Variants in ZC3H3 observed in about 807,000 individuals in gnomAD.
The protein encoded by ZC3H3 is zinc finger CCCH domain-containing protein 3.
ZC3H3 carries 36 observed loss-of-function variants against 77.3 expected under a neutral mutation model. The ratio of observed to expected loss-of-function variants is 0.47; its 90% confidence interval spans 0.36 to 0.61. ZC3H3 has a LOEUF of 0.61. Ranked by LOEUF, ZC3H3 falls within the 20% of genes least tolerant of loss-of-function variation. The pLI, the probability that ZC3H3 is intolerant of heterozygous loss-of-function variation, is 0.00. For synonymous variants in ZC3H3, 626 were observed against 555.2 expected, an observed-to-expected ratio of 1.13 and a Z score of -1.79; for missense variants, 1,331 against 1,312.2, an observed-to-expected ratio of 1.01 and a Z score of -0.22.
intron 7 of ZC3H3, 22 bp from the exon 8 acceptor site, chr8:143,468,300 G>T (rs1820467313): frequency 6.2e-7 from 1 of 1,612,712 alleles, no homozygotes; most frequent in Non-Finnish European, 8.5e-7. Context: ...GGAGAAACGG[G>T]TATGAGGAAG....
At chr8:143,465,184 G>A (rs914203044) in intron 9 of ZC3H3, among the ~76,000 whole-genome samples, 1 of 152,080 alleles carries the variant, frequency 6.6e-6, no homozygotes, top group African/African-American at 2.4e-5. Context: ...GTGGTGCCCC[G>A]CAATGAGCTC....
intron 3 of ZC3H3, among the ~76,000 whole-genome samples, chr8:143,527,175 G>A (rs1344159124): frequency 6.6e-6 from 1 of 152,192 alleles, no homozygotes; most frequent in African/African-American, 2.4e-5. Flanking sequence ...ACTGCCTGGT[G>A]GACTCCTGAG....
At chr8:143,484,569 A>G (rs1342516284) in intron 4 of ZC3H3, 1 of 153,898 alleles carries the variant, frequency 6.5e-6, no homozygotes, top group Non-Finnish European at 1.4e-5. Flanking sequence ...CAGCTGCAAA[A>G]AAACAAGTAT....
rs566401343 is a variant in ZC3H3 at position 143,535,482 on chromosome 8, C to T, written c.1561+775G>A. 3.3e-5 allele frequency among the ~76,000 whole-genome samples: 5 copies of T among 152,350 alleles called. No individual in the cohort carries two copies. In the South Asian group the frequency reaches 1.0e-3, roughly 32 times the overall value. On this transcript the variant is annotated intron_variant, in intron 3 of 11. Coordinates refer to ENST00000262577, the MANE Select transcript of ZC3H3 (RefSeq NM_015117.3). ...AACGCGCCCAGCAGAGCCCCAGAGT[C>T]GCACAGGACCAGGTGCACACAGACG...
chr8:143,452,522 G>A (rs971606897), intron 9 of ZC3H3, among the ~76,000 whole-genome samples: 3 of 152,202 alleles, frequency 2.0e-5, no homozygotes, highest in Non-Finnish European at 2.9e-5. Context: ...AACGCTGACA[G>A]ACAGGGCGTC....
intron 9 of ZC3H3, among the ~76,000 whole-genome samples, chr8:143,458,611 C>T (rs1298367220): frequency 8.0e-6 from 1 of 124,902 alleles, no homozygotes. Context: ...CAGCTGGGCG[C>T]AGTGGCTCAC....
At chr8:143,454,735 A>G (rs1260238688) in intron 9 of ZC3H3, among the ~76,000 whole-genome samples, 1 of 152,126 alleles carries the variant, frequency 6.6e-6, no homozygotes, top group Non-Finnish European at 1.5e-5. Context: ...GCTTAAGTGC[A>G]TGCTATTCTG....
intron 4 of ZC3H3, among the ~76,000 whole-genome samples, chr8:143,504,203 C>A (rs989336880): frequency 1.3e-5 from 2 of 152,302 alleles, no homozygotes; most frequent in Non-Finnish European, 2.9e-5. Flanking sequence ...GCTCTCCAAC[C>A]GAAAGCTGAG....
In ZC3H3 at chr8:143,478,567, T is replaced by C. The variant is rs1369736488; in HGVS notation, c.1716-2982A>G. 2.6e-5 allele frequency among the ~76,000 whole-genome samples: 4 copies of C among 152,246 alleles called. No homozygotes were observed. The South Asian group carries it at 8.3e-4, about 31-fold the overall frequency. On this transcript the variant is annotated intron_variant, in intron 4 of 11. Coordinates refer to ENST00000262577, the MANE Select transcript of ZC3H3 (RefSeq NM_015117.3). ...TCTTGTGACCCAGGCTAGAGTGCAA[T>C]GGTGCGATCTCGGCTCACTGCAACC...
Position 143,455,978 on chromosome 8 carries a change from CAAAAAAA to C in ZC3H3, c.2307+9732_2307+9738del, listed in dbSNP as rs58754874. On this transcript the variant is annotated intron_variant, in intron 9 of 11. Coordinates refer to ENST00000262577, the MANE Select transcript of ZC3H3 (RefSeq NM_015117.3). ...TGGGCGACAGAGTGAGACTCTGTCT[CAAAAAAA>C]AAAAAAAAAAAAAAAAAGACTTAAA... is the stretch of plus-strand genomic sequence containing the variant. Among the ~76,000 whole-genome samples, 11 of 40,908 alleles carry C rather than the reference CAAAAAAA, an allele frequency of 2.7e-4. No individual in the cohort carries two copies. The South Asian group carries it at 4.0e-3, about 15-fold the overall frequency. 26.8% of individuals were successfully genotyped at this position (40,908 alleles called of 152,430 possible). A position where few individuals can be genotyped will look rare whatever the true frequency, so the allele number is the denominator to read the frequency against.
intron 9 of ZC3H3, among the ~76,000 whole-genome samples, chr8:143,442,971 G>A (rs181948919): frequency 2.0e-4 from 30 of 152,210 alleles, no homozygotes; most frequent in Admixed American, 1.8e-3. Context: ...AAATCCCGAG[G>A]ATCAAAGAGA....
intron 4 of ZC3H3, among the ~76,000 whole-genome samples, chr8:143,482,664 C>A (rs552068325): frequency 4.6e-5 from 7 of 152,096 alleles, no homozygotes; most frequent in African/African-American, 1.7e-4. Context: ...AAGGGAGCAG[C>A]GGGGCTCAAG....
intron 11 of ZC3H3, among the ~76,000 whole-genome samples, chr8:143,439,159 C>A (rs1819658891): frequency 6.6e-6 from 1 of 151,728 alleles, no homozygotes; most frequent in African/African-American, 2.4e-5. Flanking sequence ...TGCTCCCCGA[C>A]CCCAGAGAGG....
chr8:143,519,318 C>G (rs910707100), intron 3 of ZC3H3, among the ~76,000 whole-genome samples: 1 of 152,130 alleles, frequency 6.6e-6, no homozygotes, highest in Non-Finnish European at 1.5e-5. Flanking sequence ...TCGGGGCCAA[C>G]ACAGGGAAGG....
chr8:143,514,555 C>G (rs1670657232), intron 3 of ZC3H3, among the ~76,000 whole-genome samples: 1 of 152,240 alleles, frequency 6.6e-6, no homozygotes, highest in Non-Finnish European at 1.5e-5. Flanking sequence ...AGCACACGTG[C>G]ATGGTCATTC....
At position 143,497,081 on chromosome 8, in the gene ZC3H3, T is replaced by C. The variant is rs553555141; in HGVS notation, c.1715+10665A>G. 2.0e-5 allele frequency among the ~76,000 whole-genome samples: 3 copies of C among 152,334 alleles called. No individual in the cohort carries two copies. The East Asian group carries it at 5.8e-4, about 29-fold the overall frequency. Reference sequence around the variant, plus strand: ...ATACTGCAAATGCGATAAAATATCATATAAACAACTGGTGAGTTTCAGTAA... The same window carrying C: ...ATACTGCAAATGCGATAAAATATCACATAAACAACTGGTGAGTTTCAGTAA... On this transcript the variant is annotated intron_variant, in intron 4 of 11. Coordinates refer to ENST00000262577, the MANE Select transcript of ZC3H3 (RefSeq NM_015117.3).
intron 1 of ZC3H3, among the ~76,000 whole-genome samples, chr8:143,540,015 TCCCCCACCACAGG>T (rs1303765214): frequency 6.6e-6 from 1 of 151,860 alleles, no homozygotes; most frequent in Non-Finnish European, 1.5e-5. Flanking sequence ...TTATCAGCAT[TCCCCCACCACAGG>T]CCCTGCCCCC....
At chr8:143,501,168 CA>C (rs1208748879) in intron 4 of ZC3H3, among the ~76,000 whole-genome samples, 4 of 151,862 alleles carry the variant, frequency 2.6e-5, no homozygotes, top group African/African-American at 9.7e-5. Flanking sequence ...AACACCAGGG[CA>C]CCCAGAGTTG....
At chr8:143,519,855 C>T (rs1822184703) in intron 3 of ZC3H3, among the ~76,000 whole-genome samples, 2 of 152,200 alleles carry the variant, frequency 1.3e-5, no homozygotes, top group Admixed American at 1.3e-4. Context: ...CCCGCAGTCC[C>T]AGAGGTGCCC....
Sources: gnomAD v4.1 joint callset for allele counts (sites outside exome capture counted in the v4.1 genomes callset) on GRCh38, gnomAD v4.1.1 for gene constraint, MANE v1.5 for transcripts, NCBI Gene and HGNC (gene_info 2026-07-23, HGNC 2026-07-21) for gene names.